Variants in TMEM181 observed in about 807,000 individuals in gnomAD.
The protein encoded by TMEM181 is G protein-coupled receptor 178.
TMEM181 carries 39 observed loss-of-function variants against 71.9 expected under a neutral mutation model. The observed-to-expected ratio is 0.54, with a 90% CI of 0.42 to 0.71. The LOEUF (loss-of-function observed/expected upper bound fraction) is 0.71, where lower values mean the gene tolerates loss of function less well. Ranked by LOEUF, TMEM181 falls within the 30% of genes least tolerant of loss-of-function variation. The pLI is 0.00. For synonymous variants in TMEM181, 245 were observed against 228.8 expected, an observed-to-expected ratio of 1.07 and a Z score of -0.64; for missense variants, 595 against 583.0, an observed-to-expected ratio of 1.02 and a Z score of -0.21.
chr6:158,571,631 T>C (rs940152168), intron 1 of TMEM181, among the ~76,000 whole-genome samples: 5 of 152,240 alleles, frequency 3.3e-5, no homozygotes, highest in Non-Finnish European at 7.3e-5. Flanking sequence ...AAACACACCA[T>C]GCTTAAACTA....
Position 158,608,687 on chromosome 6 carries a change from T to G in TMEM181, c.833T>G (p.Leu278Trp). The G allele has an allele frequency of 6.2e-7, 1 of 1,611,844 alleles. No individual in the cohort carries two copies. Among genetic ancestry groups the G allele is most frequent in the African/African-American group, 1.3e-5 (1 of 74,884 alleles). ...QGERKCLTFY[L>W]PKFFIVGLLW... ...GAAAGAAAGTGTTTAACTTTCTATTTGCCTAAATTCTTCATTGTTGGACTA... is the reference window on the plus strand; with the variant it reads ...GAAAGAAAGTGTTTAACTTTCTATTGGCCTAAATTCTTCATTGTTGGACTA... Residue 278 changes from leucine (L) to tryptophan (W), a missense_variant, in exon 10 of 17, where the codon TTG becomes TGG. Leu to Trp is a moderately conservative substitution (Grantham distance 61). Coordinates refer to ENST00000684151, the MANE Select transcript of TMEM181 (RefSeq NM_001376852.1).
chr6:158,615,910 A>G (rs144557598), intron 10 of TMEM181, among the ~76,000 whole-genome samples: 1 of 152,318 alleles, frequency 6.6e-6, no homozygotes, highest in African/African-American at 2.4e-5. Context: ...GTTTAAAGTC[A>G]GGTAGCATGA....
chr6:158,582,507 AT>A (rs1037077417), intron 3 of TMEM181, among the ~76,000 whole-genome samples: 8 of 152,024 alleles, frequency 5.3e-5, no homozygotes, highest in African/African-American at 1.9e-4. Context: ...TCTACAACAA[AT>A]TTAAAAATAA....
chr6:158,556,400 C>T (rs1404283981), upstream of TMEM181, among the ~76,000 whole-genome samples: 1 of 152,126 alleles, frequency 6.6e-6, no homozygotes, highest in East Asian at 1.9e-4. Context: ...AACAAAGAGG[C>T]TCTCTAAAAG....
At chr6:158,612,287 G>A (rs1170106567) in intron 10 of TMEM181, among the ~76,000 whole-genome samples, 2 of 152,218 alleles carry the variant, frequency 1.3e-5, no homozygotes, top group African/African-American at 4.8e-5. Flanking sequence ...AGATGACGGT[G>A]CTCCTGCTCT....
At chr6:158,555,521 T>C (rs1009979167), upstream of TMEM181, among the ~76,000 whole-genome samples, 5 of 150,568 alleles carry the variant, frequency 3.3e-5, no homozygotes, top group African/African-American at 7.3e-5. Context: ...CAGAAAAAAA[T>C]AGAGATAGAG....
chr6:158,619,608 C>T (rs945745104), intron 10 of TMEM181, among the ~76,000 whole-genome samples: 3 of 152,002 alleles, frequency 2.0e-5, no homozygotes, highest in South Asian at 2.1e-4. Context: ...CGGTGGCTCA[C>T]GCCTATAATC....
intron 6 of TMEM181, among the ~76,000 whole-genome samples, chr6:158,602,694 G>A (rs889505015): frequency 2.0e-5 from 3 of 151,562 alleles, no homozygotes; most frequent in Admixed American, 6.6e-5. Context: ...CACTGACCCT[G>A]GCCTCCTGAG....
intron 6 of TMEM181, among the ~76,000 whole-genome samples, chr6:158,603,585 C>G (rs1425333997): frequency 1.2e-5 from 1 of 80,666 alleles, no homozygotes; most frequent in East Asian, 4.3e-4. Flanking sequence ...GATTTTTTTT[C>G]AGGTTTTTTT....
intron 10 of TMEM181, among the ~76,000 whole-genome samples, chr6:158,609,228 C>T (rs1785146799): frequency 6.6e-6 from 1 of 152,128 alleles, no homozygotes; most frequent in South Asian, 2.1e-4. Flanking sequence ...GGGATTTGTT[C>T]CCAGACCCCC....
At chr6:158,564,318 C>G (rs892011648) in intron 1 of TMEM181, among the ~76,000 whole-genome samples, 1 of 152,200 alleles carries the variant, frequency 6.6e-6, no homozygotes, top group African/African-American at 2.4e-5. Flanking sequence ...AGTCCCACCT[C>G]CACACCCTGC....
chr6:158,601,758 GAAAAA>G (rs796451394), intron 6 of TMEM181, among the ~76,000 whole-genome samples: 40 of 96,074 alleles, frequency 4.2e-4, no homozygotes, highest in Non-Finnish European at 7.0e-4. Flanking sequence ...GACTGTCTCA[GAAAAA>G]AAAAAAAAAA....
chr6:158,537,880 T>A (rs1166623840), intron 1 of TMEM181, among the ~76,000 whole-genome samples: 3 of 152,114 alleles, frequency 2.0e-5, no homozygotes, highest in Non-Finnish European at 2.9e-5. Context: ...TCACATCTGT[T>A]AAAAAACCTA....
intron 14 of TMEM181, among the ~76,000 whole-genome samples, chr6:158,629,188 T>G (rs1042440813): frequency 1.3e-5 from 2 of 152,214 alleles, no homozygotes. Flanking sequence ...TCCTGGGTTC[T>G]TTCTTTGGGA....
intron 6 of TMEM181, among the ~76,000 whole-genome samples, chr6:158,598,822 C>T (rs996732690): frequency 1.2e-4 from 18 of 152,116 alleles, no homozygotes; most frequent in East Asian, 7.7e-4. Context: ...TACAGGCGCC[C>T]GCCATCACGC....
At chr6:158,618,849 TG>T in intron 10 of TMEM181, among the ~76,000 whole-genome samples, 1 of 152,254 alleles carries the variant, frequency 6.6e-6, no homozygotes, top group East Asian at 1.9e-4. Context: ...GAGTTTCTGC[TG>T]AGAGATCAGC....
At chr6:158,591,705 C>G (rs1225350930) in intron 6 of TMEM181, among the ~76,000 whole-genome samples, 1 of 152,022 alleles carries the variant, frequency 6.6e-6, no homozygotes, top group African/African-American at 2.4e-5. Flanking sequence ...AGGGACCTCT[C>G]CCTTTCATCA....
At chr6:158,589,824 C>G (rs1784006242) in intron 6 of TMEM181, 42 bp downstream of exon 6, 1 of 1,343,338 alleles carries the variant, frequency 7.4e-7, no homozygotes, top group Non-Finnish European at 1.1e-6. Flanking sequence ...GGCTCATGTT[C>G]TAGTTCCCAT....
At chr6:158,581,059 A>G (rs1783442841) in intron 3 of TMEM181, 64 bp downstream of exon 3, 6 of 1,489,838 alleles carry the variant, frequency 4.0e-6, no homozygotes, top group Non-Finnish European at 4.7e-6. Flanking sequence ...GTCACTGAGA[A>G]ATGGTTCCGC....
Sources: allele counts gnomAD v4.1 joint callset (sites outside exome capture counted in the v4.1 genomes callset), GRCh38; gene constraint gnomAD v4.1.1; transcripts MANE v1.5; gene names NCBI Gene and HGNC (gene_info 2026-07-23, HGNC 2026-07-21).